The following CNTN6 variants were observed in gnomAD, a reference collection of about 807,000 sequenced individuals.
CNTN6 encodes the protein contactin-6.
In CNTN6, 137 loss-of-function variants were observed where a neutral mutation model predicts 122.8. That is an observed-to-expected ratio of 1.12 (90% CI 0.97 to 1.29). The LOEUF is 1.29. CNTN6 is among the 50% of genes most tolerant of loss of function. CNTN6 has a pLI of 0.00. For synonymous variants in CNTN6, 570 were observed against 426.0 expected, an observed-to-expected ratio of 1.34 and a Z score of -4.16; for missense variants, 1,634 against 1,223.4, an observed-to-expected ratio of 1.34 and a Z score of -5.01.
At position 1,215,266 on chromosome 3, in the gene CNTN6, G is replaced by T. The variant is rs142407758; in HGVS notation, c.56-5421G>T. ...CATGTGTTTGATTCTATAACTCGGT[G>T]ACATCAAGGATCTTAATGTTGAATC... On this transcript the variant is annotated intron_variant, in intron 2 of 22. Coordinates refer to ENST00000446702, the MANE Select transcript of CNTN6 (RefSeq NM_001289080.2). 3.3e-3 allele frequency among the ~76,000 whole-genome samples: 509 copies of T among 152,276 alleles called. 6 individuals carry two copies. The highest frequency in any genetic ancestry group is 4.7e-3 in the Non-Finnish European group (322 of 68,024).
intron 7 of CNTN6, among the ~76,000 whole-genome samples, chr3:1,306,928 C>T (rs140864932): frequency 2.6e-5 from 4 of 152,296 alleles, no homozygotes; most frequent in African/African-American, 7.2e-5. Context: ...CGTTTCCTCA[C>T]TCACTCATTT....
At position 1,311,381 on chromosome 3, in the gene CNTN6, T is replaced by G. The variant is rs867502479; in HGVS notation, c.762-10269T>G. Among the ~76,000 whole-genome samples the G allele has an allele frequency of 4.5e-3, 476 of 106,834 alleles. 18 individuals are homozygous for G. The highest frequency in any genetic ancestry group is 0.023 in the Middle Eastern group (2 of 86). The allele number at this position is 106,834 out of a possible 152,430, so 70.1% of individuals were successfully genotyped here. On this transcript the variant is annotated intron_variant, in intron 7 of 22. Coordinates refer to ENST00000446702, the MANE Select transcript of CNTN6 (RefSeq NM_001289080.2). ...TGTACATATATGTACATATAAAATG[T>G]CTTTATATGTACATATATGTACATA...
At chr3:1,349,802 A>C (rs1487138840) in intron 11 of CNTN6, among the ~76,000 whole-genome samples, 1 of 151,754 alleles carries the variant, frequency 6.6e-6, no homozygotes, top group Non-Finnish European at 1.5e-5. Flanking sequence ...TTATATTGTC[A>C]TGAGATTAAT....
chr3:1,402,635 T>TTAAG (rs1190284590), intron 22 of CNTN6, 149 bp downstream of exon 22: 2 of 605,074 alleles, frequency 3.3e-6, no homozygotes, highest in Non-Finnish European at 5.6e-6. Context: ...AGCCATTTTT[T>TTAAG]TAAGTTATTC....
chr3:1,135,687 G>A (rs377401202), intron 1 of CNTN6, among the ~76,000 whole-genome samples: 7 of 152,090 alleles, frequency 4.6e-5, no homozygotes, highest in African/African-American at 1.7e-4. Flanking sequence ...ACATTGCTAT[G>A]CATTATTAAA....
intron 5 of CNTN6, among the ~76,000 whole-genome samples, chr3:1,293,123 CT>C (rs910651291): frequency 1.3e-5 from 2 of 152,156 alleles, no homozygotes; most frequent in African/African-American, 4.8e-5. Context: ...AGGGTTCTGT[CT>C]GCAGAGACAA....
rs369569141 is a variant in CNTN6 at position 1,252,431 on chromosome 3, A to G, written c.358+24438A>G. The stretch of plus-strand genomic sequence containing the variant: ...CTATTAATAATATCACCTGAGCCAG[A>G]GACAACCACTGTTAACATTAGTAGA... On this transcript the variant is annotated intron_variant, in intron 4 of 22. Transcript: ENST00000446702. Among the ~76,000 whole-genome samples, 9 of 152,234 alleles carry G rather than the reference A, an allele frequency of 5.9e-5. No individual in the cohort carries two copies. The East Asian group carries it at 1.3e-3, about 23-fold the overall frequency.
rs1553710040 is a variant in CNTN6 at position 1,384,687 on chromosome 3, TAC to T, written c.2518-911_2518-910del. On this transcript the variant is annotated intron_variant, in intron 19 of 22. Coordinates refer to ENST00000446702, the MANE Select transcript of CNTN6 (RefSeq NM_001289080.2). ...TTGCCTATATATATATATATATATA[TAC>T]ACACACACACACGTATACATATACA... is the stretch of plus-strand genomic sequence containing the variant. Among the ~76,000 whole-genome samples the T allele has an allele frequency of 6.5e-3, 719 of 110,198 alleles. 8 individuals are homozygous for T. Among genetic ancestry groups the T allele is most frequent in the African/African-American group, 0.03 (659 of 21,608 alleles). 72.3% of individuals were successfully genotyped at this position (110,198 alleles called of 152,430 possible).
chr3:1,286,485 A>G (rs566633102), intron 5 of CNTN6, among the ~76,000 whole-genome samples: 39 of 151,962 alleles, frequency 2.6e-4, no homozygotes, highest in Non-Finnish European at 4.0e-4. Flanking sequence ...GCTGAAAATG[A>G]TGGTTTCGAG....
intron 2 of CNTN6, among the ~76,000 whole-genome samples, chr3:1,194,966 G>T (rs189534538): frequency 1.3e-5 from 2 of 151,910 alleles, no homozygotes; most frequent in East Asian, 3.9e-4. Context: ...TAAAAAAAAA[G>T]ACTCCCCTTC....
Position 1,376,995 on chromosome 3 carries a change from T to G in CNTN6, c.2096-10T>G. The G allele has an allele frequency of 6.3e-7, 1 of 1,580,836 alleles. No homozygotes were observed. The highest frequency in any genetic ancestry group is 8.6e-7 in the Non-Finnish European group (1 of 1,161,690). ...AATTGCCATCCCACATTTCTCTTGG[T>G]TATTTTTAGTCCCTGTTGTGGCACC... On this transcript the variant is annotated splice_polypyrimidine_tract_variant and intron_variant, in intron 16 of 22. Coordinates refer to ENST00000446702, the MANE Select transcript of CNTN6 (RefSeq NM_001289080.2).
At chr3:1,249,606 A>G (rs982967851) in intron 4 of CNTN6, among the ~76,000 whole-genome samples, 8 of 152,240 alleles carry the variant, frequency 5.3e-5, no homozygotes, top group South Asian at 2.1e-4. Flanking sequence ...TAACAAGTCA[A>G]TTGCAGGTGT....
intron 4 of CNTN6, among the ~76,000 whole-genome samples, chr3:1,273,010 C>T (rs2095051413): frequency 6.6e-6 from 1 of 152,130 alleles, no homozygotes; most frequent in Non-Finnish European, 1.5e-5. Flanking sequence ...TTTTATGGGC[C>T]ATTCTCAGGC....
chr3:1,217,779 T>C (rs1464837010), intron 2 of CNTN6, among the ~76,000 whole-genome samples: 1 of 152,194 alleles, frequency 6.6e-6, no homozygotes, highest in African/African-American at 2.4e-5. Flanking sequence ...TAAGGAAGCA[T>C]GGATGTCCTG....
intron 2 of CNTN6, among the ~76,000 whole-genome samples, chr3:1,157,220 A>ATTT (rs61608171): frequency 0.18 from 25,020 of 139,272 alleles, 2,475 homozygotes; most frequent in African/African-American, 0.28. Context: ...TTATTTATTT[A>ATTT]ATTTATTTAT....
chr3:1,303,330 C>T (rs1388913198), intron 7 of CNTN6, among the ~76,000 whole-genome samples: 1 of 152,082 alleles, frequency 6.6e-6, no homozygotes, highest in Non-Finnish European at 1.5e-5. Context: ...GCAGGCTTTG[C>T]ACTTTTTTTT....
At chr3:1,162,145 T>C (rs934617403) in intron 2 of CNTN6, among the ~76,000 whole-genome samples, 2 of 152,104 alleles carry the variant, frequency 1.3e-5, no homozygotes, top group East Asian at 1.9e-4. Flanking sequence ...ATAGAACAGA[T>C]TGGGTACACA....
intron 2 of CNTN6, among the ~76,000 whole-genome samples, chr3:1,190,879 A>C (rs552584404): frequency 1.1e-4 from 17 of 152,234 alleles, no homozygotes; most frequent in African/African-American, 4.1e-4. Flanking sequence ...TGGTGGGTAC[A>C]TGTTACATAA....
At position 1,329,786 on chromosome 3, in the gene CNTN6, C is replaced by T. The variant is rs1702033253; in HGVS notation, c.1215C>T (p.Ala405=). ...TTTTGTCTTTGATTTTGTTTTTAGC[C>T]TCAGCTCCAGATTTCTCCAAAAGTC... is the stretch of plus-strand genomic sequence containing the variant. The part of the protein sequence containing the change: ...IYANAELRVL[A]SAPDFSKSPV... The change falls in exon 11 of 23, where the codon GCC becomes GCT. Residue 405 remains alanine (A), a splice_region_variant and synonymous_variant. Coordinates refer to ENST00000446702, the MANE Select transcript of CNTN6 (RefSeq NM_001289080.2). The T allele has an allele frequency of 6.2e-7, 1 of 1,604,190 alleles. No individual in the cohort carries two copies. The highest frequency in any genetic ancestry group is 1.7e-5 in the Admixed American group (1 of 58,124).
Sources: gnomAD v4.1 joint callset for allele counts (sites outside exome capture counted in the v4.1 genomes callset) on GRCh38, gnomAD v4.1.1 for gene constraint, MANE v1.5 for transcripts, NCBI Gene and HGNC (gene_info 2026-07-23, HGNC 2026-07-21) for gene names.